The following SV2B variants were observed in gnomAD, a reference collection of about 807,000 sequenced individuals.
SV2B encodes the protein solute carrier family 22 member B2.
A neutral mutation model predicts 73.9 loss-of-function variants in SV2B; 41 were observed. That is an observed-to-expected ratio of 0.56 (90% confidence interval 0.43 to 0.72). SV2B has a LOEUF of 0.72. SV2B is among the 30% of genes least tolerant of loss of function. The pLI is 0.00. For synonymous variants in SV2B, 314 were observed against 314.2 expected (o/e 1.00, Z 0.01); for missense variants, 764 against 857.8 (o/e 0.89, Z 1.37).
In SV2B at chr15:91,266,295, G is replaced by A. The variant is rs1313845164; in HGVS notation, c.1009-287G>A. Among the ~76,000 whole-genome samples the A allele has an allele frequency of 4.6e-5, 7 of 152,186 alleles. No individual in the cohort carries two copies. The South Asian group carries it at 8.3e-4, about 18-fold the overall frequency. ...TTTCCAGGGACTGCTTTCTCCCCGC[G>A]GATTGCCCAGTCGCATCTGTATTTC... On this transcript the variant is annotated intron_variant, in intron 6 of 12. Transcript: ENST00000394232.
At chr15:91,279,711 C>G (rs560358192) in intron 9 of SV2B, among the ~76,000 whole-genome samples, 44 of 152,306 alleles carry the variant, frequency 2.9e-4, no homozygotes, top group Non-Finnish European at 3.2e-4. Flanking sequence ...TAAAATATCA[C>G]CCAAGGCTAC....
intron 1 of SV2B, among the ~76,000 whole-genome samples, chr15:91,162,430 C>G (rs1257443428): frequency 6.6e-6 from 1 of 152,168 alleles, no homozygotes; most frequent in Non-Finnish European, 1.5e-5. Flanking sequence ...GAAGTAGGAA[C>G]ACTTATTTTC....
intron 1 of SV2B, among the ~76,000 whole-genome samples, chr15:91,206,539 G>A (rs1478520149): frequency 6.6e-6 from 1 of 152,170 alleles, no homozygotes; most frequent in African/African-American, 2.4e-5. Flanking sequence ...CTTTGGATTA[G>A]AATCAGATTA....
rs138759733 is a variant in SV2B, at chr15:91,239,431, G to T, written c.452-12388G>T. Among the ~76,000 whole-genome samples, 253 of 152,094 alleles carry T rather than the reference G, an allele frequency of 1.7e-3. 2 individuals carry two copies. The highest frequency in any genetic ancestry group is 5.8e-3 in the African/African-American group (239 of 41,460). Reference sequence around the variant, plus strand: ...ATAAGGCATGAATTACAAAGTTATAGTACCATCTAATATTAGAAATGAAAG... The same window carrying T: ...ATAAGGCATGAATTACAAAGTTATATTACCATCTAATATTAGAAATGAAAG... On this transcript the variant is annotated intron_variant, in intron 2 of 12. Transcript: ENST00000394232. This position sits in a 1 kb window ranked among gnomAD's most constrained non-coding sequence, Gnocchi z 5.1.
Position 91,252,223 on chromosome 15 carries a change from T to A in SV2B, c.633-146T>A. On this transcript the variant is annotated intron_variant, in intron 3 of 12. Transcript: ENST00000394232. The surrounding 1 kb of genome is among the most constrained non-coding windows in gnomAD (Gnocchi z 4.6). ...ATAATCCAAGACTGCTTCCCACATG[T>A]AGAGAGGAACTAACTGGCCGGTCTC... The A allele has an allele frequency of 8.3e-7, 1 of 1,210,000 alleles. No individual in the cohort carries two copies. Among genetic ancestry groups the A allele is most frequent in the African/African-American group, 1.5e-5 (1 of 65,840 alleles). 75.0% of individuals were successfully genotyped at this position (1,210,000 alleles called of 1,614,324 possible).
chr15:91,264,805 G>C (rs1338931008), intron 6 of SV2B, among the ~76,000 whole-genome samples: 1 of 152,130 alleles, frequency 6.6e-6, no homozygotes, highest in Non-Finnish European at 1.5e-5. Context: ...AGGATGTGCA[G>C]GCAGAAATCA....
At chr15:91,145,975 T>C (rs1389002516) in intron 1 of SV2B, among the ~76,000 whole-genome samples, 1 of 152,218 alleles carries the variant, frequency 6.6e-6, no homozygotes, top group East Asian at 1.9e-4. Flanking sequence ...GTGCAGAAGC[T>C]CTTTAGTTTA....
intron 1 of SV2B, among the ~76,000 whole-genome samples, chr15:91,173,617 T>C (rs2044201806): frequency 6.6e-6 from 1 of 152,130 alleles, no homozygotes; most frequent in South Asian, 2.1e-4. Flanking sequence ...AACTTACCCA[T>C]CCTGTGTCCA....
chr15:91,193,850 T>A (rs1409853723), intron 1 of SV2B, among the ~76,000 whole-genome samples: 1 of 152,236 alleles, frequency 6.6e-6, no homozygotes, highest in Non-Finnish European at 1.5e-5. Flanking sequence ...TTTATATTAT[T>A]TTTTCCTACA....
In SV2B at chr15:91,136,403, A is replaced by G. The variant is rs919378533; in HGVS notation, c.-392+36040A>G. 1.3e-5 allele frequency among the ~76,000 whole-genome samples: 2 copies of G among 152,168 alleles called. No homozygotes were observed. Among genetic ancestry groups the G allele is most frequent in the Admixed American group, 6.5e-5 (1 of 15,286 alleles). Reference sequence around the variant, plus strand: ...GACTTACTCTCTAGGGGCCTTAGGTATATTCTCGGAGAGAGAACCTTTATT... The same window carrying G: ...GACTTACTCTCTAGGGGCCTTAGGTGTATTCTCGGAGAGAGAACCTTTATT... On this transcript the variant is annotated intron_variant, in intron 1 of 12. Coordinates refer to ENST00000394232, the MANE Select transcript of SV2B (RefSeq NM_001323032.3). The surrounding 1 kb of genome is among the most constrained non-coding windows in gnomAD (Gnocchi z 5.6).
At chr15:91,211,702 C>T (rs1275356768) in intron 1 of SV2B, among the ~76,000 whole-genome samples, 1 of 151,810 alleles carries the variant, frequency 6.6e-6, no homozygotes, top group African/African-American at 2.4e-5. Context: ...CAGGGTTTCA[C>T]CATATTGGCT....
chr15:91,221,655 G>A (rs2046213464), intron 1 of SV2B, among the ~76,000 whole-genome samples: 1 of 144,426 alleles, frequency 6.9e-6, no homozygotes, highest in Non-Finnish European at 1.5e-5. Flanking sequence ...CCTTTGTCCA[G>A]GCCTCACCTC....
At chr15:91,207,136 C>T (rs1205720764) in intron 1 of SV2B, among the ~76,000 whole-genome samples, 1 of 151,658 alleles carries the variant, frequency 6.6e-6, no homozygotes, top group African/African-American at 2.4e-5. Context: ...ATCCTCCCTC[C>T]TCAGCCTCCC....
intron 1 of SV2B, among the ~76,000 whole-genome samples, chr15:91,127,857 G>A (rs1406520620): frequency 6.6e-6 from 1 of 152,174 alleles, no homozygotes; most frequent in Non-Finnish European, 1.5e-5. Flanking sequence ...TGCTAATTTT[G>A]CAAAGCTATG....
In SV2B at chr15:91,267,223, C is replaced by T. The variant is rs562297898; in HGVS notation, c.1120-332C>T. On this transcript the variant is annotated intron_variant, in intron 7 of 12. Coordinates refer to ENST00000394232, the MANE Select transcript of SV2B (RefSeq NM_001323032.3). This position sits in a 1 kb window ranked among gnomAD's most constrained non-coding sequence, Gnocchi z 4.3. ...GGTCAGTAAATGTTTGCAATATCCC[C>T]CTTGCCCACAGGCAGGGAGTAGAAC... 6.6e-6 allele frequency among the ~76,000 whole-genome samples: 1 copy of T among 152,194 alleles called. No individual in the cohort carries two copies. Among genetic ancestry groups the T allele is most frequent in the African/African-American group, 2.4e-5 (1 of 41,446 alleles).
intron 1 of SV2B, among the ~76,000 whole-genome samples, chr15:91,217,978 A>G (rs2046091399): frequency 6.6e-6 from 1 of 152,240 alleles, no homozygotes; most frequent in South Asian, 2.1e-4. Flanking sequence ...CACTATTGCT[A>G]TGACCATCTC....
chr15:91,112,832 T>C (rs2042074339), intron 1 of SV2B, among the ~76,000 whole-genome samples: 1 of 152,202 alleles, frequency 6.6e-6, no homozygotes, highest in Admixed American at 6.5e-5. Flanking sequence ...TCTTTCTCTT[T>C]TAGAGACAGG....
chr15:91,129,387 G>C lies in SV2B; in HGVS notation c.-392+29024G>C, dbSNP rs980021805. On this transcript the variant is annotated intron_variant, in intron 1 of 12. Transcript: ENST00000394232. This position sits in a 1 kb window ranked among gnomAD's most constrained non-coding sequence, Gnocchi z 5.1. ...ACGTAAAATGCAGGGTTGTGATGAA[G>C]GGGGAGAAATCAATTGTCCGGAGAT... Among the ~76,000 whole-genome samples, 3 of 152,222 alleles carry C rather than the reference G, an allele frequency of 2.0e-5. No homozygotes were observed. Among genetic ancestry groups the C allele is most frequent in the African/African-American group, 7.2e-5 (3 of 41,472 alleles).
Position 91,139,544 on chromosome 15 carries a change from T to A in SV2B, c.-392+39181T>A, listed in dbSNP as rs1252592335. Among the ~76,000 whole-genome samples, 1 of 152,038 alleles carries A rather than the reference T, an allele frequency of 6.6e-6. No individual in the cohort carries two copies. The highest frequency in any genetic ancestry group is 2.4e-5 in the African/African-American group (1 of 41,378). On this transcript the variant is annotated intron_variant, in intron 1 of 12. Coordinates refer to ENST00000394232, the MANE Select transcript of SV2B (RefSeq NM_001323032.3). This position sits in a 1 kb window ranked among gnomAD's most constrained non-coding sequence, Gnocchi z 5.2. ...GCAAACACCGCTATCAATGCTGTAG[T>A]AAGGAGAGTAAGCCTTGGGCTAAGG...
Sources: allele counts gnomAD v4.1 joint callset (sites outside exome capture counted in the v4.1 genomes callset), GRCh38; gene constraint gnomAD v4.1.1; non-coding constraint Gnocchi (gnomAD v3.1); transcripts MANE v1.5; gene names NCBI Gene and HGNC (gene_info 2026-07-23, HGNC 2026-07-21).